Variants in GRID2 observed in about 807,000 individuals in gnomAD.
GRID2 encodes glutamate receptor ionotropic, delta-2.
Under a neutral mutation model 114.8 loss-of-function variants are expected in GRID2, and 33 were observed. The observed-to-expected ratio is 0.29, with a 90% CI of 0.22 to 0.38. The LOEUF is 0.38. Ranked by LOEUF, GRID2 falls within the 10% of genes least tolerant of loss-of-function variation. The probability of loss-of-function intolerance (pLI) is 1.00; values close to 1 mark genes in which losing one functional copy is unlikely to be tolerated. For missense variants in GRID2, 1,184 were observed against 1,257.7 expected (o/e 0.94, Z 0.89); for synonymous variants, 505 against 449.9 (o/e 1.12, Z -1.55).
intron 4 of GRID2, among the ~76,000 whole-genome samples, chr4:93,156,484 TAGAA>T (rs1484125229): frequency 1.3e-5 from 2 of 151,738 alleles, no homozygotes; most frequent in African/African-American, 2.4e-5. Flanking sequence ...TCATAGCTGA[TAGAA>T]AGAAAGAAGA....
intron 13 of GRID2, among the ~76,000 whole-genome samples, chr4:93,559,030 C>G (rs1164058008): frequency 6.6e-6 from 1 of 152,122 alleles, no homozygotes; most frequent in African/African-American, 2.4e-5. Context: ...TGACAAAATT[C>G]AACACCCCTT....
chr4:93,496,157 G>A (rs555980681), intron 12 of GRID2, among the ~76,000 whole-genome samples: 93 of 149,682 alleles, frequency 6.2e-4, no homozygotes, highest in Middle Eastern at 3.5e-3. Context: ...GAGAAAATAG[G>A]AAAGTACAAA....
At chr4:93,599,190 T>TACCAAC (rs1739423445) in intron 13 of GRID2, among the ~76,000 whole-genome samples, 2 of 152,190 alleles carry the variant, frequency 1.3e-5, no homozygotes, top group African/African-American at 4.8e-5. Context: ...TGGATGGACT[T>TACCAAC]GAATGTGAAT....
At chr4:93,419,748 C>T (rs1404423256) in intron 9 of GRID2, among the ~76,000 whole-genome samples, 1 of 152,000 alleles carries the variant, frequency 6.6e-6, no homozygotes, top group East Asian at 1.9e-4. Context: ...CAGACTTGTG[C>T]AAGGGATCTG....
intron 12 of GRID2, among the ~76,000 whole-genome samples, chr4:93,505,608 T>A (rs1034183381): frequency 6.7e-6 from 1 of 148,658 alleles, no homozygotes; most frequent in East Asian, 1.9e-4. Context: ...TAATATATAT[T>A]TTATTAGATA....
intron 1 of GRID2, among the ~76,000 whole-genome samples, chr4:92,469,390 G>A (rs1184139440): frequency 6.6e-6 from 1 of 152,010 alleles, no homozygotes; most frequent in East Asian, 1.9e-4. Flanking sequence ...AAATGCTCAA[G>A]CTCCTTATGT....
chr4:92,444,966 A>T (rs1733370361), intron 1 of GRID2, among the ~76,000 whole-genome samples: 1 of 152,124 alleles, frequency 6.6e-6, no homozygotes, highest in Admixed American at 6.5e-5. Context: ...TTTGTCACGT[A>T]TGCCATATTT....
chr4:93,338,261 C>T (rs772971709), intron 8 of GRID2, among the ~76,000 whole-genome samples: 1 of 152,098 alleles, frequency 6.6e-6, no homozygotes, highest in African/African-American at 2.4e-5. Flanking sequence ...AATGGAATCA[C>T]CGTTATTGAC....
chr4:93,515,369 A>T lies in GRID2; in HGVS notation c.2151A>T (p.Gly717=). 6.2e-7 allele frequency: 1 copy of T among 1,613,164 alleles called. No individual in the cohort carries two copies. Among genetic ancestry groups the T allele is most frequent in the Non-Finnish European group, 8.5e-7 (1 of 1,179,304 alleles). Reference sequence around the variant, plus strand: ...GGCGGATGATCAACCGAAGCAATGGATCGGAGAACAATGTTCTGGAGTCCC... The same window carrying T: ...GGCGGATGATCAACCGAAGCAATGGTTCGGAGAACAATGTTCTGGAGTCCC... ...QMWRMINRSN[G]SENNVLESQA... The change falls in exon 13 of 16, where the codon GGA becomes GGT. Residue 717 remains glycine (G), a synonymous_variant. Coordinates refer to ENST00000282020, the MANE Select transcript of GRID2 (RefSeq NM_001510.4).
intron 14 of GRID2, among the ~76,000 whole-genome samples, chr4:93,741,179 ATATATATATATATATATATATG>A (rs1470894545): frequency 0.026 from 869 of 32,802 alleles, 58 homozygotes; most frequent in African/African-American, 0.071. Context: ...ATATACATAT[ATATATATATATATATATATATG>A]TATATATATA....
At chr4:93,196,298 A>C (rs963792832) in intron 4 of GRID2, among the ~76,000 whole-genome samples, 2 of 152,136 alleles carry the variant, frequency 1.3e-5, no homozygotes, top group African/African-American at 4.8e-5. Context: ...TTCAAAGACT[A>C]TACCTCCTGA....
chr4:93,679,819 A>G lies in GRID2; in HGVS notation c.2360+53384A>G, dbSNP rs562421135. Reference sequence around the variant, plus strand: ...TTATAGCACTAAATGCCCACAAGAGAAAGCAGGAAAGATCCAAAATTGACA... The same window carrying G: ...TTATAGCACTAAATGCCCACAAGAGGAAGCAGGAAAGATCCAAAATTGACA... On this transcript the variant is annotated intron_variant, in intron 14 of 15. Coordinates refer to ENST00000282020, the MANE Select transcript of GRID2 (RefSeq NM_001510.4). 3.2e-4 allele frequency among the ~76,000 whole-genome samples: 48 copies of G among 151,164 alleles called. 2 individuals are homozygous for G. The highest frequency in any genetic ancestry group is 2.4e-3 in the Admixed American group (36 of 15,238).
chr4:92,841,436 T>G (rs2149410220), intron 2 of GRID2, among the ~76,000 whole-genome samples: 1 of 152,232 alleles, frequency 6.6e-6, no homozygotes, highest in Non-Finnish European at 1.5e-5. Flanking sequence ...TATTTATGTC[T>G]TTCAATGTGC....
At chr4:93,697,603 G>A (rs968074933) in intron 14 of GRID2, among the ~76,000 whole-genome samples, 2 of 151,854 alleles carry the variant, frequency 1.3e-5, no homozygotes, top group Non-Finnish European at 2.9e-5. Context: ...AGATGCTACC[G>A]AATATTAGTC....
chr4:92,621,607 A>G (rs1298860739), intron 2 of GRID2, among the ~76,000 whole-genome samples: 3 of 151,714 alleles, frequency 2.0e-5, no homozygotes, highest in Non-Finnish European at 4.4e-5. Flanking sequence ...GATGCAGTAA[A>G]CTATATTACA....
At position 93,314,568 on chromosome 4, in the gene GRID2, C is replaced by T. The variant is rs1210622125; in HGVS notation, c.1245+76078C>T. On this transcript the variant is annotated intron_variant, in intron 8 of 15. Transcript: ENST00000282020. ...AAAATAGCCTGGCTAACTCTGTTAG[C>T]TCTTTCGTTGTTTCCTTGAAGTTTA... Among the ~76,000 whole-genome samples the T allele has an allele frequency of 5.3e-5, 8 of 152,164 alleles. No individual in the cohort carries two copies. The East Asian group carries it at 1.6e-3, about 30-fold the overall frequency.
intron 11 of GRID2, among the ~76,000 whole-genome samples, chr4:93,479,166 C>G (rs1043193159): frequency 6.6e-6 from 1 of 151,942 alleles, no homozygotes; most frequent in South Asian, 2.1e-4. Flanking sequence ...TGTCCAATAG[C>G]ATTATACCTA....
intron 1 of GRID2, among the ~76,000 whole-genome samples, chr4:92,511,617 T>C (rs1265669210): frequency 1.3e-5 from 2 of 151,868 alleles, no homozygotes; most frequent in South Asian, 2.1e-4. Context: ...CATTCAGCAC[T>C]GTAGAGATCT....
intron 2 of GRID2, among the ~76,000 whole-genome samples, chr4:92,624,415 G>C (rs1015373347): frequency 1.3e-5 from 2 of 151,816 alleles, no homozygotes; most frequent in Non-Finnish European, 2.9e-5. Flanking sequence ...TGACAAAATA[G>C]TATAAGATTC....
Sources: allele counts gnomAD v4.1 joint callset (sites outside exome capture counted in the v4.1 genomes callset), GRCh38; gene constraint gnomAD v4.1.1; transcripts MANE v1.5; gene names NCBI Gene and HGNC (gene_info 2026-07-23, HGNC 2026-07-21).